SCFD2: variants seen among roughly 807,000 people sequenced by gnomAD.
SCFD2 encodes the protein sec1 family domain containing 2.
SCFD2 carries 54 observed loss-of-function variants against 58.9 expected under a neutral mutation model. The ratio of observed to expected loss-of-function variants is 0.92; its 90% confidence interval spans 0.74 to 1.15. The LOEUF (loss-of-function observed/expected upper bound fraction) is 1.15. Among genes scored for constraint, SCFD2 ranks in the 50% most tolerant of loss-of-function variants. SCFD2 has a pLI of 0.00. For synonymous variants in SCFD2, 321 were observed against 335.9 expected, an observed-to-expected ratio of 0.96 and a Z score of 0.49; for missense variants, 805 against 836.6, an observed-to-expected ratio of 0.96 and a Z score of 0.47.
chr4:53,160,037 A>G (rs954914764), intron 4 of SCFD2, among the ~76,000 whole-genome samples: 17 of 152,226 alleles, frequency 1.1e-4, no homozygotes, highest in African/African-American at 3.9e-4. Flanking sequence ...GACTGGAACT[A>G]TGGCATGGGC....
At chr4:53,009,631 T>C (rs1722052733) in intron 5 of SCFD2, among the ~76,000 whole-genome samples, 1 of 152,206 alleles carries the variant, frequency 6.6e-6, no homozygotes, top group African/African-American at 2.4e-5. Context: ...TGAGACTTAG[T>C]GCTGACCTTA....
At chr4:53,347,851 TGAACCCAGCA>T (rs1261722250) in intron 2 of SCFD2, among the ~76,000 whole-genome samples, 3 of 152,342 alleles carry the variant, frequency 2.0e-5, no homozygotes, top group African/African-American at 7.2e-5. Context: ...AGAAAGATAC[TGAACCCAGCA>T]GAACCAGCAA....
chr4:52,873,660 C>A lies in SCFD2; in HGVS notation c.*309G>T. ...CAGGCTTTTATTTAGAACTAATGAACTTGTAGGTGGAATCAGGAAGATCAC... is the reference window on the plus strand; with the variant it reads ...CAGGCTTTTATTTAGAACTAATGAAATTGTAGGTGGAATCAGGAAGATCAC... On this transcript the variant is annotated 3_prime_UTR_variant, in exon 9 of 9. Coordinates refer to ENST00000401642, the MANE Select transcript of SCFD2 (RefSeq NM_152540.4). 1 of 212,446 alleles carries A rather than the reference C, an allele frequency of 4.7e-6. No individual in the cohort carries two copies. The highest frequency in any genetic ancestry group is 9.4e-6 in the Non-Finnish European group (1 of 106,506). The allele number at this position is 212,446 out of a possible 1,614,324, so 13.2% of individuals were successfully genotyped here. A position where few individuals can be genotyped will look rare whatever the true frequency, so the allele number is the denominator to read the frequency against.
chr4:52,985,310 C>A (rs908538876), intron 5 of SCFD2, among the ~76,000 whole-genome samples: 2 of 152,102 alleles, frequency 1.3e-5, no homozygotes, highest in Non-Finnish European at 2.9e-5. Context: ...AGTTTTAGGA[C>A]CTTTCTGCTG....
At chr4:52,939,972 C>T (rs1030018085) in intron 5 of SCFD2, among the ~76,000 whole-genome samples, 3 of 152,196 alleles carry the variant, frequency 2.0e-5, no homozygotes, top group African/African-American at 7.2e-5. Context: ...AACAGCAGTC[C>T]CCAGCCCAGC....
chr4:53,097,927 G>A (rs578114777), intron 5 of SCFD2, among the ~76,000 whole-genome samples: 1 of 152,120 alleles, frequency 6.6e-6, no homozygotes, highest in Non-Finnish European at 1.5e-5. Context: ...TAGCATGAAG[G>A]GCTGTTGAAT....
intron 4 of SCFD2, among the ~76,000 whole-genome samples, chr4:53,203,191 G>C (rs1728304760): frequency 1.3e-5 from 2 of 152,208 alleles, no homozygotes; most frequent in East Asian, 1.9e-4. Context: ...ATTATTTTGA[G>C]ATACATCCCA....
At chr4:53,357,162 C>T (rs993700036) in intron 1 of SCFD2, among the ~76,000 whole-genome samples, 7 of 151,954 alleles carry the variant, frequency 4.6e-5, no homozygotes, top group Non-Finnish European at 1.0e-4. Context: ...TGGCTGATGC[C>T]TGTAATCTCA....
chr4:52,921,396 A>C (rs1386782560), intron 5 of SCFD2, among the ~76,000 whole-genome samples: 1 of 152,176 alleles, frequency 6.6e-6, no homozygotes. Context: ...GGGACTTAAC[A>C]AGAAGACGGT....
At chr4:53,214,323 C>T (rs1340791075) in intron 4 of SCFD2, among the ~76,000 whole-genome samples, 5 of 149,472 alleles carry the variant, frequency 3.3e-5, no homozygotes, top group Admixed American at 6.6e-5. Context: ...CCTATTGTTT[C>T]CTGACTTTTT....
At chr4:52,928,608 C>T (rs186540247) in intron 5 of SCFD2, among the ~76,000 whole-genome samples, 4 of 152,132 alleles carry the variant, frequency 2.6e-5, no homozygotes, top group East Asian at 3.9e-4. Flanking sequence ...TCTGGCTCCC[C>T]GACTATGCTG....
intron 5 of SCFD2, among the ~76,000 whole-genome samples, chr4:53,020,045 C>T (rs756780040): frequency 6.6e-6 from 1 of 152,164 alleles, no homozygotes; most frequent in East Asian, 1.9e-4. Context: ...AATTGCAATG[C>T]AGTTTTCTCC....
At chr4:53,028,397 A>C (rs964837989) in intron 5 of SCFD2, among the ~76,000 whole-genome samples, 83 of 152,346 alleles carry the variant, frequency 5.4e-4, no homozygotes, top group Admixed American at 2.0e-3. Flanking sequence ...CATACCTTGG[A>C]AAAACTAGGT....
chr4:53,202,148 T>C (rs556024922), intron 4 of SCFD2, among the ~76,000 whole-genome samples: 163 of 152,248 alleles, frequency 1.1e-3, no homozygotes, highest in African/African-American at 3.6e-3. Flanking sequence ...CTAGGGTTTT[T>C]ATGGTTTTAG....
At chr4:52,973,319 A>C (rs1021030515) in intron 5 of SCFD2, among the ~76,000 whole-genome samples, 1 of 152,228 alleles carries the variant, frequency 6.6e-6, no homozygotes, top group African/African-American at 2.4e-5. Context: ...AGACACAATA[A>C]AAAATGATAA....
intron 4 of SCFD2, among the ~76,000 whole-genome samples, chr4:53,210,360 C>A (rs1728569975): frequency 6.6e-6 from 1 of 152,046 alleles, no homozygotes; most frequent in African/African-American, 2.4e-5. Context: ...CCTGAGGGAA[C>A]TTTCCAGGGG....
chr4:52,891,311 T>C (rs2109452930), intron 7 of SCFD2, among the ~76,000 whole-genome samples: 1 of 152,236 alleles, frequency 6.6e-6, no homozygotes, highest in Non-Finnish European at 1.5e-5. Context: ...AGAGCTTATG[T>C]TTTAGTGGAG....
chr4:52,874,129 G>T, intron 8 of SCFD2, 68 bp from the exon 9 acceptor site: 1 of 1,058,198 alleles, frequency 9.5e-7, no homozygotes, highest in Non-Finnish European at 1.5e-6. Context: ...ATTGGATGAT[G>T]AGAAATAGAA....
intron 5 of SCFD2, among the ~76,000 whole-genome samples, chr4:52,934,280 A>T (rs1720072663): frequency 6.6e-6 from 1 of 152,162 alleles, no homozygotes; most frequent in Non-Finnish European, 1.5e-5. Flanking sequence ...GCCTTAATGA[A>T]CAGCCATGTG....
Sources: gnomAD v4.1 joint callset for allele counts (sites outside exome capture counted in the v4.1 genomes callset) on GRCh38, gnomAD v4.1.1 for gene constraint, MANE v1.5 for transcripts, NCBI Gene and HGNC (gene_info 2026-07-23, HGNC 2026-07-21) for gene names.